Variants in CHST11 observed in about 807,000 individuals in gnomAD.
The protein encoded by CHST11 is C4S-1.
In CHST11, 9 loss-of-function variants were observed where a neutral mutation model predicts 30.4. That is an observed-to-expected ratio of 0.30 (90% confidence interval 0.18 to 0.52). The LOEUF is 0.52. CHST11 is among the 20% of genes least tolerant of loss of function. CHST11 has a pLI of 0.97. For missense variants in CHST11, 348 were observed against 460.6 expected (o/e 0.76, Z 2.24); for synonymous variants, 152 against 187.8 (o/e 0.81, Z 1.56).
intron 2 of CHST11, among the ~76,000 whole-genome samples, chr12:104,751,465 C>T (rs747833190): frequency 4.6e-5 from 7 of 152,158 alleles, no homozygotes; most frequent in Non-Finnish European, 1.0e-4. Context: ...ATGAATACAT[C>T]GGCTAAGAAG....
chr12:104,533,719 C>A (rs1490430272), intron 1 of CHST11, among the ~76,000 whole-genome samples: 2 of 152,212 alleles, frequency 1.3e-5, no homozygotes, highest in Non-Finnish European at 2.9e-5. Context: ...GTTCATGGAT[C>A]ATTATCACTT....
At chr12:104,570,448 T>A (rs537906983) in intron 1 of CHST11, among the ~76,000 whole-genome samples, 1 of 152,256 alleles carries the variant, frequency 6.6e-6, no homozygotes, top group South Asian at 2.1e-4. Context: ...GCCTTCTTGG[T>A]GTCCCATCTA....
chr12:104,587,871 ACT>A (rs2038820826), intron 1 of CHST11, among the ~76,000 whole-genome samples: 1 of 134,724 alleles, frequency 7.4e-6, no homozygotes, highest in East Asian at 2.1e-4. Flanking sequence ...ATGGAGTCTC[ACT>A]CTGTCACCCG....
At chr12:104,569,848 G>A (rs915048933) in intron 1 of CHST11, among the ~76,000 whole-genome samples, 3 of 152,198 alleles carry the variant, frequency 2.0e-5, no homozygotes, top group African/African-American at 7.2e-5. Context: ...TTGAGGTTCA[G>A]TGTAGGCTCT....
chr12:104,536,422 C>T (rs1000969223), intron 1 of CHST11, among the ~76,000 whole-genome samples: 1 of 152,208 alleles, frequency 6.6e-6, no homozygotes, highest in Non-Finnish European at 1.5e-5. Flanking sequence ...ATCAGCACCA[C>T]AGTTGTTAGA....
chr12:104,674,806 T>C (rs1331135309), intron 2 of CHST11, among the ~76,000 whole-genome samples: 1 of 152,240 alleles, frequency 6.6e-6, no homozygotes, highest in Non-Finnish European at 1.5e-5. Flanking sequence ...CCTTGTCTTC[T>C]TGCCTGTGTA....
intron 1 of CHST11, among the ~76,000 whole-genome samples, chr12:104,466,781 T>G (rs143567623): frequency 1.6e-4 from 25 of 152,374 alleles, no homozygotes; most frequent in African/African-American, 4.6e-4. Flanking sequence ...AATTTCTGCA[T>G]ATTACTACCA....
At chr12:104,641,673 A>T (rs1417429302) in intron 2 of CHST11, among the ~76,000 whole-genome samples, 1 of 152,120 alleles carries the variant, frequency 6.6e-6, no homozygotes, top group African/African-American at 2.4e-5. Context: ...TTTTCTGTCA[A>T]CCTAAAACTG....
At chr12:104,619,752 G>A (rs762759225) in intron 2 of CHST11, among the ~76,000 whole-genome samples, 46 of 152,164 alleles carry the variant, frequency 3.0e-4, no homozygotes, top group Non-Finnish European at 5.9e-4. Flanking sequence ...GGTTGGCTCC[G>A]GGTTCAGAAA....
At chr12:104,467,756 G>A (rs1264758643) in intron 1 of CHST11, among the ~76,000 whole-genome samples, 5 of 152,178 alleles carry the variant, frequency 3.3e-5, no homozygotes, top group African/African-American at 1.2e-4. Flanking sequence ...TGTTAACTTC[G>A]AAGAATCTCA....
chr12:104,680,571 G>T (rs937885720), intron 2 of CHST11, among the ~76,000 whole-genome samples: 2 of 152,164 alleles, frequency 1.3e-5, no homozygotes, highest in Admixed American at 1.3e-4. Context: ...GCCTCCCACT[G>T]GTGTCCTGTC....
At chr12:104,481,701 A>G (rs924124582) in intron 1 of CHST11, among the ~76,000 whole-genome samples, 11 of 152,124 alleles carry the variant, frequency 7.2e-5, no homozygotes, top group Admixed American at 3.3e-4. Flanking sequence ...ATCCAAGTGA[A>G]CAGAGTATTT....
rs115413892 is a variant in CHST11 at position 104,564,222 on chromosome 12, G to A, written c.119-37684G>A. ...TTCAGCAAACACCTGATGTTTCCCTGTGGGGACCAGCCCACTGGGGCATTA... is the reference window on the plus strand; with the variant it reads ...TTCAGCAAACACCTGATGTTTCCCTATGGGGACCAGCCCACTGGGGCATTA... On this transcript the variant is annotated intron_variant, in intron 1 of 2. Transcript: ENST00000303694. 4.5e-3 allele frequency among the ~76,000 whole-genome samples: 688 copies of A among 152,294 alleles called. 8 individuals are homozygous for A. The highest frequency in any genetic ancestry group is 0.015 in the African/African-American group (644 of 41,562).
intron 2 of CHST11, among the ~76,000 whole-genome samples, chr12:104,606,033 A>G (rs2039001321): frequency 6.6e-6 from 1 of 152,006 alleles, no homozygotes; most frequent in Non-Finnish European, 1.5e-5. Flanking sequence ...CTCACAGCAC[A>G]GGGCTGTCCG....
intron 2 of CHST11, among the ~76,000 whole-genome samples, chr12:104,727,525 G>A (rs1452376988): frequency 6.6e-6 from 1 of 152,228 alleles, no homozygotes; most frequent in Non-Finnish European, 1.5e-5. Context: ...CCACACCTTG[G>A]AGCAGTGTTT....
chr12:104,585,722 A>C (rs375335659), intron 1 of CHST11, among the ~76,000 whole-genome samples: 1 of 152,206 alleles, frequency 6.6e-6, no homozygotes. Context: ...TAAACCACAG[A>C]AATTTGTTCT....
At chr12:104,622,740 G>A (rs1384280489) in intron 2 of CHST11, among the ~76,000 whole-genome samples, 1 of 152,178 alleles carries the variant, frequency 6.6e-6, no homozygotes. Context: ...CCCAATGTAA[G>A]GATAATGTAC....
At chr12:104,686,804 C>T (rs535510892) in intron 2 of CHST11, among the ~76,000 whole-genome samples, 6 of 152,192 alleles carry the variant, frequency 3.9e-5, no homozygotes, top group East Asian at 1.9e-4. Context: ...CCCGCCACCA[C>T]GCCTGGCTAA....
chr12:104,722,234 G>A (rs1391157599), intron 2 of CHST11, among the ~76,000 whole-genome samples: 1 of 150,962 alleles, frequency 6.6e-6, no homozygotes, highest in African/African-American at 2.5e-5. Flanking sequence ...GAATTCCTGG[G>A]CTAAGCCATC....
Sources: allele counts gnomAD v4.1 joint callset (sites outside exome capture counted in the v4.1 genomes callset), GRCh38; gene constraint gnomAD v4.1.1; transcripts MANE v1.5; gene names NCBI Gene and HGNC (gene_info 2026-07-23, HGNC 2026-07-21).